AFF1: variants seen among roughly 807,000 people sequenced by gnomAD.
The protein encoded by AFF1 is AF4/FMR2 family member 1.
AFF1 carries 48 observed loss-of-function variants against 121.7 expected under a neutral mutation model. The ratio of observed to expected loss-of-function variants is 0.39; its 90% CI spans 0.31 to 0.50. The LOEUF (loss-of-function observed/expected upper bound fraction) is 0.50, where lower values mean the gene tolerates loss of function less well. AFF1 is among the 20% of genes least tolerant of loss of function. The pLI, the probability that AFF1 is intolerant of heterozygous loss-of-function variation, is 0.76. For missense variants in AFF1, 1,523 were observed against 1,511.7 expected, an observed-to-expected ratio of 1.01 and a Z score of -0.12; for synonymous variants, 613 against 563.0, an observed-to-expected ratio of 1.09 and a Z score of -1.26.
intron 2 of AFF1, among the ~76,000 whole-genome samples, chr4:87,008,774 G>A (rs1006678229): frequency 3.9e-5 from 6 of 152,018 alleles, no homozygotes; most frequent in Admixed American, 1.3e-4. Flanking sequence ...GGAAATTAAG[G>A]AACTGCTTTA....
chr4:87,024,842 C>T (rs1413936564), intron 2 of AFF1, among the ~76,000 whole-genome samples: 1 of 152,218 alleles, frequency 6.6e-6, no homozygotes, highest in Non-Finnish European at 1.5e-5. Flanking sequence ...GATCCACCCG[C>T]CTCGGCCTCC....
intron 2 of AFF1, among the ~76,000 whole-genome samples, chr4:87,008,726 T>TG (rs1332638767): frequency 6.6e-6 from 1 of 152,128 alleles, no homozygotes; most frequent in African/African-American, 2.4e-5. Context: ...ATACAATTGT[T>TG]GCAGATGTCT....
intron 1 of AFF1, chr4:86,935,736 G>C (rs1719924428): frequency 6.6e-6 from 1 of 152,358 alleles, no homozygotes. Flanking sequence ...GTCTCGCTGA[G>C]AGCAGGAGGG....
chr4:87,121,374 A>G (rs1727672078), intron 12 of AFF1, among the ~76,000 whole-genome samples: 1 of 152,172 alleles, frequency 6.6e-6, no homozygotes, highest in African/African-American at 2.4e-5. Context: ...CTGCTCACCC[A>G]ATATTGCATG....
At chr4:86,984,076 T>G (rs1433070256) in intron 2 of AFF1, among the ~76,000 whole-genome samples, 2 of 152,124 alleles carry the variant, frequency 1.3e-5, no homozygotes, top group Non-Finnish European at 2.9e-5. Context: ...TTTGCCAATG[T>G]ATCTAGTGTT....
intron 8 of AFF1, 109 bp from the exon 9 acceptor site, chr4:87,105,517 TAC>T: frequency 8.4e-7 from 1 of 1,193,250 alleles, no homozygotes; most frequent in Non-Finnish European, 1.2e-6. Context: ...AAAGAAAACT[TAC>T]ACATATCCTC....
intron 10 of AFF1, among the ~76,000 whole-genome samples, chr4:87,107,761 CA>C (rs1726065967): frequency 6.6e-6 from 1 of 152,162 alleles, no homozygotes; most frequent in South Asian, 2.1e-4. Flanking sequence ...TCTGCCATTG[CA>C]GCATAAAAGC....
intron 2 of AFF1, chr4:86,950,174 C>T: frequency 7.1e-7 from 1 of 1,408,360 alleles, no homozygotes; most frequent in Non-Finnish European, 1.0e-6. Flanking sequence ...CATGTCTCAT[C>T]CCGAGGTATT....
chr4:86,962,414 A>G (rs534397964), intron 2 of AFF1, among the ~76,000 whole-genome samples: 3 of 152,202 alleles, frequency 2.0e-5, no homozygotes, highest in South Asian at 2.1e-4. Flanking sequence ...GACTAAATAT[A>G]TACATTTATT....
intron 7 of AFF1, among the ~76,000 whole-genome samples, chr4:87,094,583 C>T (rs761265119): frequency 6.6e-5 from 10 of 152,124 alleles, no homozygotes; most frequent in African/African-American, 1.9e-4. Flanking sequence ...GGACCCAGGG[C>T]GCTGGGAGCA....
intron 2 of AFF1, among the ~76,000 whole-genome samples, chr4:87,018,531 T>G (rs1048994076): frequency 6.6e-6 from 1 of 152,206 alleles, no homozygotes. Context: ...GATGGCTTTT[T>G]TTGAGACAGA....
intron 2 of AFF1, among the ~76,000 whole-genome samples, chr4:87,044,359 A>G (rs1391865103): frequency 1.3e-5 from 2 of 151,982 alleles, no homozygotes; most frequent in South Asian, 2.1e-4. Context: ...ATTAGCTTCT[A>G]TGCAGAGTAC....
At chr4:87,001,512 G>A (rs1330394582) in intron 2 of AFF1, among the ~76,000 whole-genome samples, 4 of 152,082 alleles carry the variant, frequency 2.6e-5, no homozygotes, top group Non-Finnish European at 4.4e-5. Flanking sequence ...CACCGCGCCC[G>A]GCTCGTGCTT....
chr4:86,985,181 CTATATATATATATATA>C (rs55891819), intron 2 of AFF1, among the ~76,000 whole-genome samples: 2,364 of 96,496 alleles, frequency 0.024, 90 homozygotes, highest in African/African-American at 0.029. Context: ...ATATGTATTA[CTATATATATATATATA>C]TATATATATA....
chr4:86,991,949 A>C (rs1412245072), intron 2 of AFF1, among the ~76,000 whole-genome samples: 1 of 151,904 alleles, frequency 6.6e-6, no homozygotes, highest in Non-Finnish European at 1.5e-5. Flanking sequence ...AAACCAAACC[A>C]ACCATGATAA....
intron 7 of AFF1, 68 bp from the exon 8 acceptor site, chr4:87,094,843 TAAAA>T (rs1724667335): frequency 6.7e-7 from 1 of 1,487,128 alleles, no homozygotes; most frequent in African/African-American, 1.4e-5. Context: ...GGGACCGACA[TAAAA>T]GAACTCACAA....
intron 2 of AFF1, among the ~76,000 whole-genome samples, chr4:87,024,160 C>A (rs1030806570): frequency 6.6e-6 from 1 of 152,172 alleles, no homozygotes; most frequent in African/African-American, 2.4e-5. Context: ...ACGGCTGATA[C>A]ACAGCTTCAG....
At chr4:87,127,909 A>AG (rs748244846) in intron 16 of AFF1, among the ~76,000 whole-genome samples, 1 of 152,156 alleles carries the variant, frequency 6.6e-6, no homozygotes, top group Non-Finnish European at 1.5e-5. Context: ...TTAATGATTA[A>AG]GGGGTAGGTG....
chr4:87,049,107 G>T (rs76905957), intron 4 of AFF1, among the ~76,000 whole-genome samples: 2 of 106,376 alleles, frequency 1.9e-5, no homozygotes, highest in Non-Finnish European at 3.9e-5. Flanking sequence ...GGGGGGGGGG[G>T]ACAACTTAAC....
Sources: gnomAD v4.1 joint callset for allele counts (sites outside exome capture counted in the v4.1 genomes callset) on GRCh38, gnomAD v4.1.1 for gene constraint, MANE v1.5 for transcripts, NCBI Gene and HGNC (gene_info 2026-07-23, HGNC 2026-07-21) for gene names.